JPH1: variants seen among roughly 807,000 people sequenced by gnomAD.
JPH1 encodes junctophilin-1.
A neutral mutation model predicts 53.6 loss-of-function variants in JPH1; 12 were observed. The observed-to-expected ratio is 0.22, with a 90% CI of 0.14 to 0.36. The LOEUF (loss-of-function observed/expected upper bound fraction) is 0.36. JPH1 is among the 10% of genes least tolerant of loss of function. The pLI is 1.00. For missense variants in JPH1, 808 were observed against 905.5 expected (o/e 0.89, Z 1.38); for synonymous variants, 375 against 363.8 (o/e 1.03, Z -0.35).
chr8:74,277,212 C>A (rs186378825), intron 2 of JPH1, among the ~76,000 whole-genome samples: 27 of 152,306 alleles, frequency 1.8e-4, no homozygotes, highest in African/African-American at 6.5e-4. Context: ...GCCACACTTG[C>A]CATCCCATCC....
intron 1 of JPH1, among the ~76,000 whole-genome samples, chr8:74,319,252 C>T (rs1402208516): frequency 6.6e-6 from 1 of 152,028 alleles, no homozygotes; most frequent in Non-Finnish European, 1.5e-5. Flanking sequence ...GATTTTTAAC[C>T]TTCCAAAACT....
At chr8:74,270,602 G>A (rs554601715) in intron 2 of JPH1, among the ~76,000 whole-genome samples, 2 of 152,306 alleles carry the variant, frequency 1.3e-5, no homozygotes, top group East Asian at 3.9e-4. Context: ...GAAGATGAAT[G>A]CATGTACATC....
chr8:74,243,011 G>A (rs569196869), intron 4 of JPH1, among the ~76,000 whole-genome samples: 4 of 152,040 alleles, frequency 2.6e-5, no homozygotes, highest in Non-Finnish European at 5.9e-5. Flanking sequence ...AGGACGCTGG[G>A]GCATACACTT....
intron 1 of JPH1, among the ~76,000 whole-genome samples, chr8:74,319,999 A>G (rs1466756157): frequency 6.6e-6 from 1 of 152,244 alleles, no homozygotes; most frequent in African/African-American, 2.4e-5. Context: ...AAATATTAAA[A>G]TAAGGTGATC....
rs775769543 is a variant in JPH1 at position 74,315,118 on chromosome 8, G to A, written c.882C>T (p.Gly294=). The A allele has an allele frequency of 1.2e-5, 19 of 1,614,048 alleles. No homozygotes were observed. Among genetic ancestry groups the A allele is most frequent in the Admixed American group, 5.0e-5 (3 of 59,994 alleles). ...TCATGCCATTGGAGCGCTCGCTAACGCCGAAGCCGTTGCGCTTGTCGTTCT... is the reference window on the plus strand; with the variant it reads ...TCATGCCATTGGAGCGCTCGCTAACACCGAAGCCGTTGCGCTTGTCGTTCT... ...EWKNDKRNGF[G]VSERSNGMKY... Residue 294 remains glycine (G), a synonymous_variant, in exon 2 of 6, where the codon GGC becomes GGT. Coordinates refer to ENST00000342232, the MANE Select transcript of JPH1 (RefSeq NM_020647.4). This position sits in a 1 kb window ranked among gnomAD's most constrained non-coding sequence, Gnocchi z 6.3.
At chr8:74,243,697 T>A (rs948387189) in intron 4 of JPH1, among the ~76,000 whole-genome samples, 15 of 152,214 alleles carry the variant, frequency 9.9e-5, no homozygotes, top group Non-Finnish European at 1.6e-4. Context: ...GGTCATTTTT[T>A]AATCAATAAT....
intron 2 of JPH1, among the ~76,000 whole-genome samples, chr8:74,309,195 TC>T (rs1305982922): frequency 6.6e-6 from 1 of 152,134 alleles, no homozygotes; most frequent in East Asian, 1.9e-4. Context: ...CACTGACACT[TC>T]CTGGTAGTAC....
At chr8:74,275,775 C>T (rs1806829295) in intron 2 of JPH1, among the ~76,000 whole-genome samples, 1 of 152,102 alleles carries the variant, frequency 6.6e-6, no homozygotes, top group East Asian at 1.9e-4. Flanking sequence ...TAACAGTCAT[C>T]AGTTTTTCTT....
rs138260673 is a variant in JPH1 at position 74,258,649 on chromosome 8, G to A, written c.1258+736C>T. ...GAACTTTGAACTTTAGTTCAGATAC[G>A]TTAAAAAAAAGTCACAGTACTGACT... On this transcript the variant is annotated intron_variant, in intron 3 of 5. Coordinates refer to ENST00000342232, the MANE Select transcript of JPH1 (RefSeq NM_020647.4). 1.4e-3 allele frequency among the ~76,000 whole-genome samples: 214 copies of A among 152,000 alleles called. 1 individual carries two copies. The highest frequency in any genetic ancestry group is 3.4e-3 in the Middle Eastern group (1 of 294).
chr8:74,264,748 C>T (rs952413786), intron 2 of JPH1, among the ~76,000 whole-genome samples: 3 of 152,128 alleles, frequency 2.0e-5, no homozygotes, highest in South Asian at 2.1e-4. Context: ...TCCACAGATT[C>T]GTAGGGAGAG....
chr8:74,300,416 G>A (rs949133271), intron 2 of JPH1, among the ~76,000 whole-genome samples: 5 of 152,120 alleles, frequency 3.3e-5, no homozygotes, highest in African/African-American at 1.2e-4. Context: ...TGTGGGGGGC[G>A]GAGGGGGTCA....
intron 2 of JPH1, among the ~76,000 whole-genome samples, chr8:74,278,045 G>A (rs1806900381): frequency 6.6e-6 from 1 of 152,086 alleles, no homozygotes; most frequent in African/African-American, 2.4e-5. Context: ...ACAAAAAGAG[G>A]CAATATATGT....
chr8:74,284,355 A>G (rs1807099509), intron 2 of JPH1, among the ~76,000 whole-genome samples: 1 of 152,232 alleles, frequency 6.6e-6, no homozygotes, highest in Non-Finnish European at 1.5e-5. Flanking sequence ...TGAGAAGTTA[A>G]GGAATTGTGG....
At chr8:74,296,019 G>GAGACACACACACACACACACACACAC (rs1807504307) in intron 2 of JPH1, among the ~76,000 whole-genome samples, 1 of 136,510 alleles carries the variant, frequency 7.3e-6, no homozygotes, top group East Asian at 2.1e-4. Context: ...TCTCAGTAAG[G>GAGACACACACACACACACACACACAC]ACACACACAC....
chr8:74,288,844 C>T (rs924020656), intron 2 of JPH1, among the ~76,000 whole-genome samples: 1 of 152,248 alleles, frequency 6.6e-6, no homozygotes, highest in Non-Finnish European at 1.5e-5. Flanking sequence ...ACTTATGTAA[C>T]TGTAACAGTC....
At chr8:74,249,655 TG>T (rs1805978895) in intron 3 of JPH1, among the ~76,000 whole-genome samples, 1 of 152,258 alleles carries the variant, frequency 6.6e-6, no homozygotes, top group South Asian at 2.1e-4. Context: ...CCCTTTTTAA[TG>T]AAAAAATTTA....
At chr8:74,285,173 T>C (rs891799541) in intron 2 of JPH1, among the ~76,000 whole-genome samples, 3 of 152,122 alleles carry the variant, frequency 2.0e-5, no homozygotes, top group Non-Finnish European at 2.9e-5. Flanking sequence ...ACAGGCATTA[T>C]GGTGTTGTAA....
rs1335724858 is a variant in JPH1 at position 74,321,252 on chromosome 8, G to C, written c.36C>G (p.Gly12=). 1.2e-6 allele frequency: 2 copies of C among 1,601,954 alleles called. No homozygotes were observed. The highest frequency in any genetic ancestry group is 3.4e-5 in the Admixed American group (2 of 58,876). Residue 12 remains glycine, a synonymous_variant, in exon 1 of 6, where the codon GGC becomes GGG. Coordinates refer to ENST00000342232, the MANE Select transcript of JPH1 (RefSeq NM_020647.4). The surrounding 1 kb of genome is among the most constrained non-coding windows in gnomAD (Gnocchi z 4.3). ...TGGRFDFDDG[G]TYCGGWEEGK... ...CCTCCTCCCAGCCGCCGCAGTAGGT[G>C]CCGCCATCGTCGAAGTCGAACCTTC...
chr8:74,267,088 G>T (rs887668226), intron 2 of JPH1, among the ~76,000 whole-genome samples: 2 of 152,162 alleles, frequency 1.3e-5, no homozygotes, highest in Non-Finnish European at 2.9e-5. Flanking sequence ...ACCTCACTAT[G>T]GTCTGAGAGT....
Sources: allele counts gnomAD v4.1 joint callset (sites outside exome capture counted in the v4.1 genomes callset), GRCh38; gene constraint gnomAD v4.1.1; non-coding constraint Gnocchi (gnomAD v3.1); transcripts MANE v1.5; gene names NCBI Gene and HGNC (gene_info 2026-07-23, HGNC 2026-07-21).